The following SFT2D2 variants were observed in gnomAD, a reference collection of about 807,000 sequenced individuals.
SFT2D2 encodes vesicle transport protein SFT2B.
SFT2D2 carries 21 observed loss-of-function variants against 27.4 expected under a neutral mutation model. The observed-to-expected ratio is 0.77, with a 90% CI of 0.54 to 1.10. The LOEUF is 1.10. SFT2D2 is among the 50% of genes least tolerant of loss of function. The pLI is 0.00. For missense variants in SFT2D2, 187 were observed against 194.2 expected (o/e 0.96, Z 0.22); for synonymous variants, 72 against 71.7 (o/e 1.00, Z -0.02).
At position 168,252,786 on chromosome 1, in the gene SFT2D2, T is replaced by C. The variant is rs968831444; in HGVS notation, c.*10246T>C. ...GAATCCATTTTTGTAATTGTATAAA[T>C]ACTCATAACTAATTTTGAATGCTAC... On this transcript the variant is annotated 3_prime_UTR_variant, in exon 8 of 8. Transcript: ENST00000271375. 3.9e-5 allele frequency: 6 copies of C among 152,230 alleles called. No homozygotes were observed. The highest frequency in any genetic ancestry group is 1.4e-4 in the African/African-American group (6 of 41,460). 9.4% of individuals were successfully genotyped at this position (152,230 alleles called of 1,614,324 possible).
At chr1:168,242,267 C>T (rs184615673) in intron 7 of SFT2D2, among the ~76,000 whole-genome samples, 45 of 152,300 alleles carry the variant, frequency 3.0e-4, no homozygotes, top group East Asian at 9.6e-4. Flanking sequence ...ATCAGACTGT[C>T]GGGTAAGTGG....
chr1:168,235,317 A>T, intron 4 of SFT2D2, 135 bp downstream of exon 4: 1 of 833,988 alleles, frequency 1.2e-6, no homozygotes, highest in Admixed American at 2.1e-5. Flanking sequence ...TCCTATAACC[A>T]TGTGGCAGAA....
chr1:168,228,015 TG>T (rs1430667158), intron 1 of SFT2D2, among the ~76,000 whole-genome samples: 1 of 152,234 alleles, frequency 6.6e-6, no homozygotes, highest in Non-Finnish European at 1.5e-5. Context: ...AGGCATCTGT[TG>T]GATCTAATTT....
At chr1:168,238,436 G>A (rs998235256) in intron 6 of SFT2D2, among the ~76,000 whole-genome samples, 1 of 151,968 alleles carries the variant, frequency 6.6e-6, no homozygotes, top group African/African-American at 2.4e-5. Flanking sequence ...TGGGAGGATT[G>A]CTTGAAGCCA....
chr1:168,227,721 C>T (rs1444951095), intron 1 of SFT2D2, among the ~76,000 whole-genome samples: 4 of 152,104 alleles, frequency 2.6e-5, no homozygotes. Context: ...AGCTGACCCT[C>T]GTTATTTAAA....
At chr1:168,226,411 G>C (rs918750255) in intron 1 of SFT2D2, among the ~76,000 whole-genome samples, 9 of 152,192 alleles carry the variant, frequency 5.9e-5, no homozygotes, top group African/African-American at 1.9e-4. Flanking sequence ...AGCTGCGAGT[G>C]GGAGGGTGGG....
In SFT2D2 at chr1:168,246,639, G is replaced by A. The variant is rs1043270057; in HGVS notation, c.*4099G>A. ...CTGTGCCCTGGAAATCAAGCTCTTG[G>A]TCTCTTTCTGTTGAGTGACTTTGAT... On this transcript the variant is annotated 3_prime_UTR_variant, in exon 8 of 8. Coordinates refer to ENST00000271375, the MANE Select transcript of SFT2D2 (RefSeq NM_199344.3). 4.3e-6 allele frequency: 6 copies of A among 1,390,176 alleles called. No homozygotes were observed. In the African/African-American group the frequency reaches 8.5e-5, roughly 20 times the overall value. The allele number at this position is 1,390,176 out of a possible 1,614,324, so 86.1% of individuals were successfully genotyped here.
rs1480293756 is a variant in SFT2D2, at chr1:168,247,818, C to T, written c.*5278C>T. ...AGTGTAAAAGTATTCCTATTTCTCC[C>T]TGTCCTTTCCAGCATCTGTGGCCAC... On this transcript the variant is annotated 3_prime_UTR_variant, in exon 8 of 8. Transcript: ENST00000271375. The T allele has an allele frequency of 2.0e-5, 3 of 152,190 alleles. No homozygotes were observed. The highest frequency in any genetic ancestry group is 7.2e-5 in the African/African-American group (3 of 41,448). 9.4% of individuals were successfully genotyped at this position (152,190 alleles called of 1,614,324 possible). A position where few individuals can be genotyped will look rare whatever the true frequency, so the allele number is the denominator to read the frequency against.
chr1:168,246,436 G>A lies in SFT2D2; in HGVS notation c.*3896G>A, dbSNP rs1326097438. 12 of 1,089,654 alleles carry A rather than the reference G, an allele frequency of 1.1e-5. No individual in the cohort carries two copies. Among genetic ancestry groups the A allele is most frequent in the African/African-American group, 3.2e-5 (2 of 62,470 alleles). The allele number at this position is 1,089,654 out of a possible 1,614,324, so 67.5% of individuals were successfully genotyped here. A position where few individuals can be genotyped will look rare whatever the true frequency, so the allele number is the denominator to read the frequency against. On this transcript the variant is annotated 3_prime_UTR_variant, in exon 8 of 8. Coordinates refer to ENST00000271375, the MANE Select transcript of SFT2D2 (RefSeq NM_199344.3). ...TTTTCAATGTCCTTCATTTGACACC[G>A]TTTGGTTTAGCTCTCTTTGTATGTG... is the stretch of plus-strand genomic sequence containing the variant.
At chr1:168,233,483 C>T (rs1465980401) in intron 3 of SFT2D2, among the ~76,000 whole-genome samples, 1 of 152,196 alleles carries the variant, frequency 6.6e-6, no homozygotes, top group East Asian at 1.9e-4. Flanking sequence ...AAACTTAGCT[C>T]TGTGTCTGGC....
rs1467763349 is a variant in SFT2D2, at chr1:168,252,558, C to T, written c.*10018C>T. 6.6e-6 allele frequency: 1 copy of T among 151,884 alleles called. No homozygotes were observed. The highest frequency in any genetic ancestry group is 1.9e-4 in the East Asian group (1 of 5,190). The allele number at this position is 151,884 out of a possible 1,614,324, so 9.4% of individuals were successfully genotyped here. A position where few individuals can be genotyped will look rare whatever the true frequency, so the allele number is the denominator to read the frequency against. On this transcript the variant is annotated 3_prime_UTR_variant, in exon 8 of 8. Transcript: ENST00000271375. ...CTGCTATGAAACGTGTTTATTTTGC[C>T]TCTGTCAATGTGTTTGCAACCTTAA...
chr1:168,236,178 A>G (rs953794466), intron 4 of SFT2D2, among the ~76,000 whole-genome samples: 6 of 152,226 alleles, frequency 3.9e-5, no homozygotes, highest in Non-Finnish European at 8.8e-5. Context: ...GCTGACTGTG[A>G]GATTGATATC....
chr1:168,226,186 G>A, intron 1 of SFT2D2, 44 bp downstream of exon 1: 2 of 1,507,768 alleles, frequency 1.3e-6, no homozygotes, highest in South Asian at 1.3e-5. Context: ...CCGCGCTCCC[G>A]CCCTGCGTCC....
chr1:168,248,787 G>T lies in SFT2D2; in HGVS notation c.*6247G>T, dbSNP rs914989742. 1 of 152,146 alleles carries T rather than the reference G, an allele frequency of 6.6e-6. No individual in the cohort carries two copies. Among genetic ancestry groups the T allele is most frequent in the Non-Finnish European group, 1.5e-5 (1 of 68,048 alleles). 9.4% of individuals were successfully genotyped at this position (152,146 alleles called of 1,614,324 possible). ...CAGAACTTGTTATTGGTCTATTCAG[G>T]AACTCGACTTCTTCCTGGTTTAGTC... On this transcript the variant is annotated 3_prime_UTR_variant, in exon 8 of 8. Coordinates refer to ENST00000271375, the MANE Select transcript of SFT2D2 (RefSeq NM_199344.3).
At position 168,245,107 on chromosome 1, in the gene SFT2D2, G is replaced by A. The variant is rs1009234259; in HGVS notation, c.*2567G>A. 3.3e-5 allele frequency: 5 copies of A among 152,056 alleles called. No homozygotes were observed. Among genetic ancestry groups the A allele is most frequent in the African/African-American group, 1.2e-4 (5 of 41,380 alleles). 9.4% of individuals were successfully genotyped at this position (152,056 alleles called of 1,614,324 possible). ...TGCAATCATGTTTTAATTGGGAGTA[G>A]GGGGAAAGAGGGAGGGAAGGAGAAA... On this transcript the variant is annotated 3_prime_UTR_variant, in exon 8 of 8. Transcript: ENST00000271375.
chr1:168,226,005 C>G lies in SFT2D2; in HGVS notation c.-75C>G, dbSNP rs911388945. Reference sequence around the variant, plus strand: ...TGGGCGGCTGGGCGGCTGCCTAGCACCCGGAAGAGCCGTCAACTTAGCGAG... The same window carrying G: ...TGGGCGGCTGGGCGGCTGCCTAGCAGCCGGAAGAGCCGTCAACTTAGCGAG... On this transcript the variant is annotated 5_prime_UTR_variant, in exon 1 of 8. Coordinates refer to ENST00000271375, the MANE Select transcript of SFT2D2 (RefSeq NM_199344.3). The G allele has an allele frequency of 5.0e-5, 68 of 1,370,146 alleles. No individual in the cohort carries two copies. The highest frequency in any genetic ancestry group is 6.6e-5 in the Non-Finnish European group (68 of 1,036,914). The allele number at this position is 1,370,146 out of a possible 1,614,324, so 84.9% of individuals were successfully genotyped here. A position where few individuals can be genotyped will look rare whatever the true frequency, so the allele number is the denominator to read the frequency against.
rs113808778 is a variant in SFT2D2 at position 168,231,492 on chromosome 1, A to ATT, written c.64-11_64-10dup. 34 of 1,408,982 alleles carry ATT rather than the reference A, an allele frequency of 2.4e-5. No individual in the cohort carries two copies. The African/African-American group carries it at 2.8e-4, about 12-fold the overall frequency. The allele number at this position is 1,408,982 out of a possible 1,614,324, so 87.3% of individuals were successfully genotyped here. ...TTTTAGTAAATGTGTGTGTATATGT[A>ATT]TTTTTTTTTTTTCAATTTTAGGTTG... On this transcript the variant is annotated intron_variant, in intron 1 of 7. Transcript: ENST00000271375.
chr1:168,234,687 GC>G (rs1265520616), intron 3 of SFT2D2, among the ~76,000 whole-genome samples: 2 of 152,156 alleles, frequency 1.3e-5, no homozygotes, highest in East Asian at 3.8e-4. Context: ...AGCTACCTAA[GC>G]CTGTAAGGTA....
In SFT2D2 at chr1:168,226,839, A is replaced by C. The variant is rs1306923300; in HGVS notation, c.63+697A>C. Among the ~76,000 whole-genome samples the C allele has an allele frequency of 5.9e-5, 9 of 152,022 alleles. No individual in the cohort carries two copies. In the South Asian group the frequency reaches 1.9e-3, roughly 32 times the overall value. The stretch of plus-strand genomic sequence containing the variant: ...AAAAGCTTTTTTTTCTTTTTTTCTG[A>C]GACAGAGTCTCACTCTGTCGCCCAG... On this transcript the variant is annotated intron_variant, in intron 1 of 7. Coordinates refer to ENST00000271375, the MANE Select transcript of SFT2D2 (RefSeq NM_199344.3).
Sources: gnomAD v4.1 joint callset for allele counts (sites outside exome capture counted in the v4.1 genomes callset) on GRCh38, gnomAD v4.1.1 for gene constraint, MANE v1.5 for transcripts, NCBI Gene and HGNC (gene_info 2026-07-23, HGNC 2026-07-21) for gene names.